Variants in TRPM3 observed in about 807,000 individuals in gnomAD.
The protein encoded by TRPM3 is transient receptor potential cation channel subfamily M member 3.
In TRPM3, 77 loss-of-function variants were observed where a neutral mutation model predicts 181.2. The observed-to-expected ratio is 0.42, with a 90% CI of 0.35 to 0.51. The LOEUF is 0.51. Among genes scored for constraint, TRPM3 ranks in the 20% least tolerant of loss-of-function variants. The pLI, the probability that TRPM3 is intolerant of heterozygous loss-of-function variation, is 0.01. For synonymous variants in TRPM3, 745 were observed against 796.4 expected (o/e 0.94, Z 1.09); for missense variants, 1,759 against 2,196.7 (o/e 0.80, Z 3.98).
chr9:70,863,127 G>A lies in TRPM3; in HGVS notation c.258-15C>T. On this transcript the variant is annotated splice_polypyrimidine_tract_variant and intron_variant, in intron 2 of 25. Coordinates refer to ENST00000677713, the MANE Select transcript of TRPM3 (RefSeq NM_001366145.2). ...CACAGCAACACCTATAACAGAAGAGGTTAAAGTGAACCCCTGGTATTAGTC... is the reference window on the plus strand; with the variant it reads ...CACAGCAACACCTATAACAGAAGAGATTAAAGTGAACCCCTGGTATTAGTC... 1 of 1,608,694 alleles carries A rather than the reference G, an allele frequency of 6.2e-7. No homozygotes were observed. The highest frequency in any genetic ancestry group is 1.1e-5 in the South Asian group (1 of 90,576).
intron 16 of TRPM3, 81 bp from the exon 17 acceptor site, chr9:70,619,176 G>GA (rs1383594994): frequency 8.6e-7 from 1 of 1,159,672 alleles, no homozygotes; most frequent in Non-Finnish European, 1.2e-6. Flanking sequence ...TGGCCAACCA[G>GA]AAAATGGGGT....
At chr9:70,578,877 G>A (rs1440014725) in intron 22 of TRPM3, among the ~76,000 whole-genome samples, 1 of 152,174 alleles carries the variant, frequency 6.6e-6, no homozygotes, top group Non-Finnish European at 1.5e-5. Flanking sequence ...TGTGCATCAG[G>A]GGATGTTAGG....
intron 1 of TRPM3, among the ~76,000 whole-genome samples, chr9:71,275,465 T>C (rs2084126916): frequency 6.6e-6 from 1 of 152,182 alleles, no homozygotes; most frequent in Non-Finnish European, 1.5e-5. Flanking sequence ...TCTATAAATT[T>C]GATTGCAATA....
intron 1 of TRPM3, among the ~76,000 whole-genome samples, chr9:71,203,845 AATC>A (rs910885020): frequency 2.0e-5 from 3 of 151,880 alleles, no homozygotes; most frequent in Non-Finnish European, 4.4e-5. Context: ...CCTCCATCAC[AATC>A]ATCATCATCA....
At chr9:71,082,712 T>C (rs1369205743) in intron 1 of TRPM3, among the ~76,000 whole-genome samples, 3 of 152,122 alleles carry the variant, frequency 2.0e-5, no homozygotes, top group Non-Finnish European at 4.4e-5. Flanking sequence ...ATCAAGGTTG[T>C]TACTGAAGTT....
At chr9:71,170,248 C>G (rs556170393) in intron 1 of TRPM3, among the ~76,000 whole-genome samples, 2 of 151,714 alleles carry the variant, frequency 1.3e-5, no homozygotes, top group Non-Finnish European at 2.9e-5. Context: ...ATAGAGAACA[C>G]GAAGATGAAG....
At chr9:71,323,936 C>T (rs2089456573) in intron 1 of TRPM3, among the ~76,000 whole-genome samples, 1 of 152,124 alleles carries the variant, frequency 6.6e-6, no homozygotes, top group South Asian at 2.1e-4. Context: ...AATCCTTTGG[C>T]TTAAGCTAGC....
chr9:70,574,981 A>G (rs1408064574), intron 22 of TRPM3, among the ~76,000 whole-genome samples: 1 of 149,314 alleles, frequency 6.7e-6, no homozygotes, highest in Non-Finnish European at 1.5e-5. Flanking sequence ...TCACTCTGTC[A>G]CCCAGGCTGG....
upstream of TRPM3, chr9:71,121,710 G>C (rs534013543): frequency 7.5e-5 from 69 of 922,152 alleles, no homozygotes; most frequent in African/African-American, 7.0e-4. Context: ...CTTGGTTTGG[G>C]GGGGAGCCAG....
At chr9:70,882,711 T>G (rs1343446032) in intron 1 of TRPM3, among the ~76,000 whole-genome samples, 1 of 152,180 alleles carries the variant, frequency 6.6e-6, no homozygotes, top group Non-Finnish European at 1.5e-5. Context: ...GAAGTTATTT[T>G]TAGCTAGAGC....
At chr9:70,829,423 C>A (rs10868898) in intron 5 of TRPM3, among the ~76,000 whole-genome samples, 41,435 of 151,822 alleles carry the variant, frequency 0.27, 6,263 homozygotes, top group Non-Finnish European at 0.33. Flanking sequence ...GACAGACATG[C>A]TTTTGTTCAA....
chr9:70,905,763 G>A (rs1191385749), intron 1 of TRPM3, among the ~76,000 whole-genome samples: 2 of 149,380 alleles, frequency 1.3e-5, no homozygotes, highest in African/African-American at 4.9e-5. Flanking sequence ...TTTCTTTTGA[G>A]ACAGCGTCTT....
intron 1 of TRPM3, among the ~76,000 whole-genome samples, chr9:71,326,964 C>A (rs562756992): frequency 6.6e-6 from 1 of 152,300 alleles, no homozygotes; most frequent in East Asian, 1.9e-4. Flanking sequence ...ACTCACCTGT[C>A]AAGATGACAT....
chr9:70,597,503 G>C (rs780981984), intron 21 of TRPM3, among the ~76,000 whole-genome samples: 7 of 152,178 alleles, frequency 4.6e-5, no homozygotes, highest in Non-Finnish European at 4.4e-5. Flanking sequence ...AAAGTACCCA[G>C]TTCTGGCTTC....
intron 1 of TRPM3, among the ~76,000 whole-genome samples, chr9:71,354,020 C>A (rs73468718): frequency 0.018 from 2,693 of 152,242 alleles, 77 homozygotes; most frequent in African/African-American, 0.062. Context: ...TCAAGCACTG[C>A]AGACTATTTT....
At position 70,854,505 on chromosome 9, in the gene TRPM3, G is replaced by A. The variant is rs547458171; in HGVS notation, c.463-7914C>T. On this transcript the variant is annotated intron_variant, in intron 3 of 25. Coordinates refer to ENST00000677713, the MANE Select transcript of TRPM3 (RefSeq NM_001366145.2). ...TTATATATGGCCCCTGGGTATAACA[G>A]GTCCAAGTAACTTGCCTTTAGCTCT... 6.6e-5 allele frequency among the ~76,000 whole-genome samples: 10 copies of A among 152,248 alleles called. No individual in the cohort carries two copies. In the South Asian group the frequency reaches 2.1e-3, roughly 32 times the overall value.
At chr9:70,650,491 G>C (rs1554802636) in intron 9 of TRPM3, among the ~76,000 whole-genome samples, 2 of 152,192 alleles carry the variant, frequency 1.3e-5, no homozygotes, top group African/African-American at 4.8e-5. Flanking sequence ...GCATAAGGTG[G>C]CTCCTTCAAT....
intron 1 of TRPM3, among the ~76,000 whole-genome samples, chr9:70,974,920 T>G (rs1468209644): frequency 2.2e-5 from 3 of 137,548 alleles, no homozygotes; most frequent in Non-Finnish European, 3.1e-5. Flanking sequence ...CAGGCTGGAG[T>G]GCAGTGGCGT....
At chr9:71,400,296 G>A (rs1024024990) in intron 1 of TRPM3, among the ~76,000 whole-genome samples, 8 of 152,130 alleles carry the variant, frequency 5.3e-5, no homozygotes, top group African/African-American at 1.9e-4. Flanking sequence ...CATTATGGTT[G>A]ATGGGAGTTT....
Sources: gnomAD v4.1 joint callset for allele counts (sites outside exome capture counted in the v4.1 genomes callset) on GRCh38, gnomAD v4.1.1 for gene constraint, MANE v1.5 for transcripts, NCBI Gene and HGNC (gene_info 2026-07-23, HGNC 2026-07-21) for gene names.